Variants in GABRB3 observed in about 807,000 individuals in gnomAD.
The protein encoded by GABRB3 is gamma-aminobutyric acid type A receptor subunit beta3, also known as gamma-aminobutyric acid receptor subunit beta-3.
Under a neutral mutation model 52.1 loss-of-function variants are expected in GABRB3, and 14 were observed. The ratio of observed to expected loss-of-function variants is 0.27; its 90% CI spans 0.18 to 0.42. GABRB3 has a LOEUF of 0.42. Among genes scored for constraint, GABRB3 ranks in the 10% least tolerant of loss-of-function variants. GABRB3 has a pLI of 1.00. For missense variants in GABRB3, 307 were observed against 609.1 expected (o/e 0.50, Z 5.22); for synonymous variants, 260 against 232.3 (o/e 1.12, Z -1.08).
At chr15:26,742,279 T>C (rs1221390420) in intron 3 of GABRB3, among the ~76,000 whole-genome samples, 1 of 152,086 alleles carries the variant, frequency 6.6e-6, no homozygotes, top group South Asian at 2.1e-4. Flanking sequence ...GTCCTTTTAC[T>C]GCACTGGATC....
intron 3 of GABRB3, among the ~76,000 whole-genome samples, chr15:26,670,186 A>G (rs771079703): frequency 6.6e-6 from 1 of 152,212 alleles, no homozygotes; most frequent in Non-Finnish European, 1.5e-5. Context: ...GCTCAAGCCC[A>G]GCGGGTAAGC....
intron 3 of GABRB3, among the ~76,000 whole-genome samples, chr15:26,730,979 C>T (rs8025390): frequency 0.035 from 5,295 of 152,170 alleles, 85 homozygotes; most frequent in Middle Eastern, 0.082. Context: ...CAACATTTAA[C>T]CTTACAGGTG....
At chr15:26,736,273 A>C (rs1258589089) in intron 3 of GABRB3, among the ~76,000 whole-genome samples, 1 of 152,244 alleles carries the variant, frequency 6.6e-6, no homozygotes, top group African/African-American at 2.4e-5. Context: ...ATAATTTTTT[A>C]AATAAGCTAC....
chr15:26,628,996 G>T lies in GABRB3; in HGVS notation c.241-7462C>A. On this transcript the variant is annotated intron_variant, in intron 3 of 8. Coordinates refer to ENST00000311550, the MANE Select transcript of GABRB3 (RefSeq NM_000814.6). Reference sequence around the variant, plus strand: ...TTTTACCTCTTCTGTCTGGTAGGTGGCCCACATGGGGACACGAGGGAGTCT... The same window carrying T: ...TTTTACCTCTTCTGTCTGGTAGGTGTCCCACATGGGGACACGAGGGAGTCT... 1 of 1,536,116 alleles carries T rather than the reference G, an allele frequency of 6.5e-7. No individual in the cohort carries two copies. Among genetic ancestry groups the T allele is most frequent in the Non-Finnish European group, 8.7e-7 (1 of 1,146,890 alleles).
At chr15:26,553,482 G>A (rs578028494) in intron 8 of GABRB3, 1 of 152,278 alleles carries the variant, frequency 6.6e-6, no homozygotes, top group African/African-American at 2.4e-5. Flanking sequence ...ATACTAAATG[G>A]TTTGGGAATT....
chr15:26,745,944 A>T (rs893016563), intron 3 of GABRB3, among the ~76,000 whole-genome samples: 7 of 152,164 alleles, frequency 4.6e-5, no homozygotes, highest in Non-Finnish European at 1.0e-4. Flanking sequence ...ACTGGTTTTC[A>T]TTCCTCTGAG....
chr15:26,585,594 A>G (rs1286215633), intron 4 of GABRB3, among the ~76,000 whole-genome samples: 2 of 152,246 alleles, frequency 1.3e-5, no homozygotes, highest in Non-Finnish European at 2.9e-5. Flanking sequence ...ATGCCAACAT[A>G]TTTAGCACAC....
chr15:26,646,517 T>A (rs12592112), intron 3 of GABRB3, among the ~76,000 whole-genome samples: 37,678 of 152,026 alleles, frequency 0.25, 5,923 homozygotes, highest in East Asian at 0.82. Context: ...GTGCTGCTAA[T>A]CTCATCCATG....
At chr15:26,769,362 C>T (rs1464288305) in intron 3 of GABRB3, among the ~76,000 whole-genome samples, 3 of 152,174 alleles carry the variant, frequency 2.0e-5, no homozygotes, top group Admixed American at 6.5e-5. Flanking sequence ...ACCTCACCAT[C>T]GCTAATCCTC....
chr15:26,734,408 G>T (rs1957305841), intron 3 of GABRB3, among the ~76,000 whole-genome samples: 1 of 152,012 alleles, frequency 6.6e-6, no homozygotes, highest in African/African-American at 2.4e-5. Context: ...TCCTGGATAT[G>T]ACATCAAAGG....
chr15:26,577,410 G>A (rs1178496909), intron 6 of GABRB3, among the ~76,000 whole-genome samples: 2 of 152,156 alleles, frequency 1.3e-5, no homozygotes, highest in Non-Finnish European at 2.9e-5. Context: ...CTACTAGGGA[G>A]GCTGAGGCAG....
intron 3 of GABRB3, among the ~76,000 whole-genome samples, chr15:26,647,979 A>G (rs1042577183): frequency 1.3e-5 from 2 of 152,226 alleles, no homozygotes; most frequent in African/African-American, 4.8e-5. Flanking sequence ...TTTTAAACCA[A>G]TTGTGGTAAA....
intron 3 of GABRB3, among the ~76,000 whole-genome samples, chr15:26,752,663 G>A (rs1168372985): frequency 2.6e-5 from 4 of 152,224 alleles, no homozygotes; most frequent in Non-Finnish European, 5.9e-5. Flanking sequence ...GTGTCTACAC[G>A]TTGTGGAATG....
rs146501591 is a variant in GABRB3, at chr15:26,609,083, T to TAC, written c.461+12229_461+12230dup. 9.1e-3 allele frequency among the ~76,000 whole-genome samples: 1,304 copies of TAC among 143,568 alleles called. 30 individuals carry two copies. The highest frequency in any genetic ancestry group is 0.056 in the Admixed American group (796 of 14,188). The allele number at this position is 143,568 out of a possible 152,430, so 94.2% of individuals were successfully genotyped here. A position where few individuals can be genotyped will look rare whatever the true frequency, so the allele number is the denominator to read the frequency against. ...ACAGATAAATTGATTTTTTTAATGA[T>TAC]ACACACACACACACACACATACACA... On this transcript the variant is annotated intron_variant, in intron 4 of 8. Transcript: ENST00000311550.
chr15:26,638,004 T>C (rs542851004), intron 3 of GABRB3, among the ~76,000 whole-genome samples: 13 of 152,202 alleles, frequency 8.5e-5, no homozygotes, highest in Non-Finnish European at 1.5e-4. Flanking sequence ...CTTTCACTCT[T>C]AGCCGGGACT....
intron 4 of GABRB3, among the ~76,000 whole-genome samples, chr15:26,594,481 TTTTAAA>T (rs1891324202): frequency 6.6e-6 from 1 of 152,198 alleles, no homozygotes; most frequent in Non-Finnish European, 1.5e-5. Flanking sequence ...TTAGAGAATG[TTTTAAA>T]TTTATTTATC....
At chr15:26,641,897 T>TA (rs1893211749) in intron 3 of GABRB3, among the ~76,000 whole-genome samples, 1 of 152,000 alleles carries the variant, frequency 6.6e-6, no homozygotes, top group South Asian at 2.1e-4. Flanking sequence ...CTCTTTCTTT[T>TA]TTTTTTTTTA....
chr15:26,586,499 G>A (rs558470696), intron 4 of GABRB3, among the ~76,000 whole-genome samples: 80 of 151,320 alleles, frequency 5.3e-4, no homozygotes, highest in African/African-American at 1.8e-3. Flanking sequence ...GGAGGGAGAA[G>A]GGGAACCTGA....
chr15:26,582,763 C>T (rs1445361775), intron 5 of GABRB3, among the ~76,000 whole-genome samples: 3 of 152,102 alleles, frequency 2.0e-5, no homozygotes, highest in African/African-American at 7.2e-5. Flanking sequence ...CATAATAGGC[C>T]AAGATAAGCA....
Sources: gnomAD v4.1 joint callset for allele counts (sites outside exome capture counted in the v4.1 genomes callset) on GRCh38, gnomAD v4.1.1 for gene constraint, MANE v1.5 for transcripts, NCBI Gene and HGNC (gene_info 2026-07-23, HGNC 2026-07-21) for gene names.